The following NDST3 variants were observed in gnomAD, a reference collection of about 807,000 sequenced individuals.
NDST3 encodes the protein bifunctional heparan sulfate N-deacetylase/N-sulfotransferase 3.
Under a neutral mutation model 96.1 loss-of-function variants are expected in NDST3, and 58 were observed. The ratio of observed to expected loss-of-function variants is 0.60; its 90% confidence interval spans 0.49 to 0.75. The LOEUF is 0.75. NDST3 is among the 30% of genes least tolerant of loss of function. NDST3 has a pLI of 0.00. For missense variants in NDST3, 788 were observed against 1,034.2 expected (o/e 0.76, Z 3.27); for synonymous variants, 333 against 359.7 (o/e 0.93, Z 0.84).
intron 4 of NDST3, among the ~76,000 whole-genome samples, chr4:118,118,424 A>G (rs1370689201): frequency 6.6e-6 from 1 of 152,102 alleles, no homozygotes; most frequent in Non-Finnish European, 1.5e-5. Flanking sequence ...GTGATCTAAA[A>G]CTTTTGGGTT....
chr4:118,180,708 T>C (rs1736556560), intron 6 of NDST3, among the ~76,000 whole-genome samples: 1 of 152,172 alleles, frequency 6.6e-6, no homozygotes, highest in Non-Finnish European at 1.5e-5. Flanking sequence ...TGTACCTAGT[T>C]GTACAGACAT....
At chr4:118,181,193 C>T (rs1349947694) in intron 6 of NDST3, among the ~76,000 whole-genome samples, 3 of 152,100 alleles carry the variant, frequency 2.0e-5, no homozygotes, top group Admixed American at 2.0e-4. Context: ...CACCAGAAGT[C>T]TCCTTTAGGT....
chr4:118,075,507 C>G, intron 2 of NDST3, among the ~76,000 whole-genome samples: 1 of 152,090 alleles, frequency 6.6e-6, no homozygotes, highest in Non-Finnish European at 1.5e-5. Context: ...AGTTTACACT[C>G]CCACCAACAG....
intron 2 of NDST3, among the ~76,000 whole-genome samples, chr4:118,074,276 A>G (rs1727316567): frequency 6.6e-6 from 1 of 152,166 alleles, no homozygotes; most frequent in Admixed American, 6.6e-5. Flanking sequence ...AGTTCTGTAG[A>G]TATCTATTAG....
Position 118,054,533 on chromosome 4 carries a change from C to T in NDST3, c.623C>T (p.Ser208Phe). The T allele has an allele frequency of 6.2e-7, 1 of 1,613,224 alleles. No individual in the cohort carries two copies. Among genetic ancestry groups the T allele is most frequent in the Non-Finnish European group, 8.5e-7 (1 of 1,179,444 alleles). The change falls in exon 2 of 14, where the codon TCC becomes TTC. Residue 208 changes from serine to phenylalanine, a missense_variant. Transcript: ENST00000296499. Reference protein sequence around the residue: ...HSPLIRVTKSSKLEKGSLPGT... With the variant: ...HSPLIRVTKSFKLEKGSLPGT... ...CCATTGATTCGTGTGACCAAATCTT[C>T]CAAGCTTGAAAAAGGTTCTTTACCT...
chr4:118,194,010 A>T, intron 6 of NDST3: 1 of 1,177,468 alleles, frequency 8.5e-7, no homozygotes, highest in Non-Finnish European at 1.3e-6. Flanking sequence ...ATCTCCCAAG[A>T]CTCCTTGGTC....
intron 6 of NDST3, among the ~76,000 whole-genome samples, chr4:118,209,815 G>C (rs1212797458): frequency 1.3e-5 from 2 of 152,142 alleles, no homozygotes; most frequent in Non-Finnish European, 2.9e-5. Context: ...CTTTGCCAAA[G>C]TATTCTGCAA....
Position 118,237,085 on chromosome 4 carries a change from C to T in NDST3, c.1983C>T (p.Thr661=), listed in dbSNP as rs1446469120. The T allele has an allele frequency of 1.2e-6, 2 of 1,611,164 alleles. No individual in the cohort carries two copies. The highest frequency in any genetic ancestry group is 2.2e-5 in the East Asian group (1 of 44,750). The part of the protein sequence containing the change: ...DFFPVPSNVT[T]DFLFEKSANY... ...TCCCAGTCCCATCTAATGTCACTACCGACTTTTTGTTTGAGAAGAGTGCCA... is the reference window on the plus strand; with the variant it reads ...TCCCAGTCCCATCTAATGTCACTACTGACTTTTTGTTTGAGAAGAGTGCCA... The change falls in exon 10 of 14, where the codon ACC becomes ACT. Residue 661 remains threonine, a synonymous_variant. Coordinates refer to ENST00000296499, the MANE Select transcript of NDST3 (RefSeq NM_004784.3).
chr4:118,166,626 T>C (rs758121135), intron 6 of NDST3, among the ~76,000 whole-genome samples: 4 of 151,962 alleles, frequency 2.6e-5, no homozygotes, highest in Non-Finnish European at 4.4e-5. Flanking sequence ...ATATTCTTGA[T>C]GAACATAGAT....
In NDST3 at chr4:118,054,892, G is replaced by T; in HGVS notation, c.981+1G>T. The T allele has an allele frequency of 6.2e-7, 1 of 1,608,180 alleles. No individual in the cohort carries two copies. The highest frequency in any genetic ancestry group is 8.5e-7 in the Non-Finnish European group (1 of 1,178,900). The stretch of plus-strand genomic sequence containing the variant: ...AAGAATGAACACCAATGATGTAAAG[G>T]TAAGGCTCTATTTTCTCAAGTTTCA... On this transcript the variant is annotated splice_donor_variant, in intron 2 of 13. Transcript: ENST00000296499. LOFTEE classifies it high-confidence loss of function.
At chr4:118,191,540 G>T (rs1560707740) in intron 6 of NDST3, among the ~76,000 whole-genome samples, 1 of 152,130 alleles carries the variant, frequency 6.6e-6, no homozygotes, top group Non-Finnish European at 1.5e-5. Flanking sequence ...GACTCAGCAT[G>T]GATGGGTCTG....
At chr4:118,039,372 G>A (rs1401696169) in intron 1 of NDST3, among the ~76,000 whole-genome samples, 1 of 152,156 alleles carries the variant, frequency 6.6e-6, no homozygotes, top group African/African-American at 2.4e-5. Context: ...CCTAGTTTGT[G>A]AGTGCCAGCT....
At chr4:118,089,665 C>T (rs1332552873) in intron 2 of NDST3, among the ~76,000 whole-genome samples, 1 of 151,918 alleles carries the variant, frequency 6.6e-6, no homozygotes, top group Admixed American at 6.6e-5. Context: ...TATGCTTCAC[C>T]TGTGTATATT....
At chr4:118,216,635 T>C (rs1473847427) in intron 6 of NDST3, among the ~76,000 whole-genome samples, 1 of 152,054 alleles carries the variant, frequency 6.6e-6, no homozygotes, top group African/African-American at 2.4e-5. Context: ...CATAAAGATA[T>C]AGTTTATTTA....
chr4:118,144,308 G>C (rs556115105), intron 6 of NDST3, among the ~76,000 whole-genome samples: 18 of 152,070 alleles, frequency 1.2e-4, no homozygotes, highest in African/African-American at 4.3e-4. Context: ...AGCCTCCCGA[G>C]TAGCTGGGAC....
At chr4:118,120,337 AG>A (rs1342571738) in intron 4 of NDST3, among the ~76,000 whole-genome samples, 3 of 152,016 alleles carry the variant, frequency 2.0e-5, no homozygotes, top group African/African-American at 7.2e-5. Flanking sequence ...CAGAGGGAGC[AG>A]GGGGGAAAGG....
At chr4:118,234,914 G>A (rs1429584970) in intron 9 of NDST3, among the ~76,000 whole-genome samples, 6 of 151,670 alleles carry the variant, frequency 4.0e-5, no homozygotes, top group Non-Finnish European at 8.8e-5. Context: ...CCTGTAATTC[G>A]AGCTACTCAG....
intron 1 of NDST3, among the ~76,000 whole-genome samples, chr4:118,041,367 A>G (rs1004608557): frequency 2.6e-5 from 4 of 152,176 alleles, no homozygotes; most frequent in Non-Finnish European, 4.4e-5. Flanking sequence ...TTGTTATTCT[A>G]TATCTTCCCA....
intron 6 of NDST3, among the ~76,000 whole-genome samples, chr4:118,215,904 G>A (rs1236597659): frequency 6.6e-6 from 1 of 152,026 alleles, no homozygotes; most frequent in African/African-American, 2.4e-5. Flanking sequence ...TGAACAGAAG[G>A]CCTCCAGAGA....
Sources: allele counts gnomAD v4.1 joint callset (sites outside exome capture counted in the v4.1 genomes callset), GRCh38; gene constraint gnomAD v4.1.1; transcripts MANE v1.5; gene names NCBI Gene and HGNC (gene_info 2026-07-23, HGNC 2026-07-21).